The following C8orf74 variants were observed in gnomAD, a reference collection of about 807,000 sequenced individuals.
C8orf74 encodes the protein chromosome 8 open reading frame 74.
Under a neutral mutation model 22.2 loss-of-function variants are expected in C8orf74, and 29 were observed. The ratio of observed to expected loss-of-function variants is 1.31; its 90% confidence interval spans 0.97 to 1.78. The LOEUF is 1.78. Ranked by LOEUF, C8orf74 falls within the 40% of genes most tolerant of loss-of-function variation. The probability of loss-of-function intolerance (pLI) is 0.00; values close to 1 mark genes in which losing one functional copy is unlikely to be tolerated. For missense variants in C8orf74, 515 were observed against 369.9 expected (o/e 1.39, Z -3.22); for synonymous variants, 255 against 163.1 (o/e 1.56, Z -4.30).
At position 10,700,334 on chromosome 8, in the gene C8orf74, C is replaced by A. The variant is rs747567366; in HGVS notation, c.748C>A (p.Leu250Met). ...QIQNTFAILDLKLQKKTLNLN... is the reference protein window; with the variant it reads ...QIQNTFAILDMKLQKKTLNLN... Reference sequence around the variant, plus strand: ...CCAGAACACATTCGCCATCTTGGACCTGAAGCTTCAGAAGAAGACTCTGAA... The same window carrying A: ...CCAGAACACATTCGCCATCTTGGACATGAAGCTTCAGAAGAAGACTCTGAA... Residue 250 changes from leucine (L) to methionine (M), a missense_variant, in exon 4 of 4, where the codon CTG (leucine) becomes ATG (methionine). Transcript: ENST00000304519. The A allele has an allele frequency of 5.0e-6, 8 of 1,613,858 alleles. No homozygotes were observed. The East Asian group carries it at 1.8e-4, about 36-fold the overall frequency.
chr8:10,676,617 C>T lies in C8orf74; in HGVS notation c.241+1779C>T, dbSNP rs998558391. ...CTTCCAATTCTCTCCTGCCAGCCTG[C>T]GTTCCCACCCAGTGGTCCCAGCCTA... On this transcript the variant is annotated intron_variant, in intron 2 of 3. Transcript: ENST00000304519. Among the ~76,000 whole-genome samples, 3 of 152,284 alleles carry T rather than the reference C, an allele frequency of 2.0e-5. 1 individual carries two copies. Among genetic ancestry groups the T allele is most frequent in the Admixed American group, 1.3e-4 (2 of 15,306 alleles).
intron 2 of C8orf74, among the ~76,000 whole-genome samples, chr8:10,676,577 C>T (rs1403286527): frequency 6.6e-6 from 1 of 152,318 alleles, no homozygotes; most frequent in East Asian, 1.9e-4. Context: ...TTAATCTCTT[C>T]GGCTGCCAGG....
At chr8:10,676,559 G>C (rs1425224338) in intron 2 of C8orf74, among the ~76,000 whole-genome samples, 1 of 152,222 alleles carries the variant, frequency 6.6e-6, no homozygotes, top group Non-Finnish European at 1.5e-5. Flanking sequence ...ACCTGGGTCA[G>C]CCTTTCTTTA....
chr8:10,700,309 C>G lies in C8orf74; in HGVS notation c.723C>G (p.Ile241Met). ...ELLQELLQRQIQNTFAILDLK... is the reference protein window; with the variant it reads ...ELLQELLQRQMQNTFAILDLK... ...TGCAGGAGCTGCTGCAGCGCCAGAT[C>G]CAGAACACATTCGCCATCTTGGACC... The change falls in exon 4 of 4, where the codon ATC (isoleucine) becomes ATG (methionine). Residue 241 changes from isoleucine to methionine, a missense_variant. Ile to Met is a conservative substitution (Grantham distance 10, BLOSUM62 1). Transcript: ENST00000304519. 1.2e-6 allele frequency: 2 copies of G among 1,613,916 alleles called. No individual in the cohort carries two copies. Among genetic ancestry groups the G allele is most frequent in the Non-Finnish European group, 1.7e-6 (2 of 1,179,838 alleles).
rs778885280 is a variant in C8orf74, at chr8:10,689,536, T to G, written c.242-8063T>G. 5.9e-5 allele frequency: 9 copies of G among 152,224 alleles called. No homozygotes were observed. In the South Asian group the frequency reaches 1.7e-3, roughly 28 times the overall value. The allele number at this position is 152,224 out of a possible 1,614,324, so 9.4% of individuals were successfully genotyped here. On this transcript the variant is annotated intron_variant, in intron 2 of 3. Transcript: ENST00000304519. ...TCTCTCTGGCTGTGAAACATTCATT[T>G]TGATATACAGGTGACTCTTGAAGAA...
chr8:10,696,178 A>G (rs1163649907), intron 2 of C8orf74, among the ~76,000 whole-genome samples: 2 of 151,836 alleles, frequency 1.3e-5, no homozygotes, highest in Admixed American at 6.6e-5. Context: ...ATGATGGGAG[A>G]GCCCTGCCTC....
chr8:10,672,978 C>T (rs1202151592), intron 1 of C8orf74, among the ~76,000 whole-genome samples: 3 of 152,160 alleles, frequency 2.0e-5, no homozygotes, highest in African/African-American at 2.4e-5. Flanking sequence ...ACTGTGCCTG[C>T]CTCCTCTGGG....
chr8:10,680,903 G>A (rs1032730221), intron 2 of C8orf74, among the ~76,000 whole-genome samples: 1 of 152,174 alleles, frequency 6.6e-6, no homozygotes, highest in Non-Finnish European at 1.5e-5. Context: ...GTGGGTGCAG[G>A]CAGCCCAGGC....
At chr8:10,699,604 G>A (rs1285761073) in intron 3 of C8orf74, among the ~76,000 whole-genome samples, 1 of 152,200 alleles carries the variant, frequency 6.6e-6, no homozygotes, top group East Asian at 1.9e-4. Context: ...AACTCTGATG[G>A]AGTTGACCAA....
intron 2 of C8orf74, among the ~76,000 whole-genome samples, chr8:10,683,727 T>G (rs1038687037): frequency 1.3e-5 from 2 of 152,192 alleles, no homozygotes; most frequent in Non-Finnish European, 2.9e-5. Flanking sequence ...CAGAGGTCAC[T>G]GGATCCAACC....
In C8orf74 at chr8:10,674,705, G is replaced by C. The variant is rs182240949; in HGVS notation, c.108G>C (p.Gln36His). The C allele has an allele frequency of 1.1e-5, 18 of 1,609,702 alleles. No individual in the cohort carries two copies. Among genetic ancestry groups the C allele is most frequent in the Admixed American group, 5.0e-5 (3 of 59,504 alleles). The part of the protein sequence containing the change: ...RLLNWEEFDE[Q>H]RDSRRSILLD... ...TGAACTGGGAGGAGTTTGACGAACA[G>C]AGAGACTCCCGGAGGAGCATCCTGC... Residue 36 changes from glutamine to histidine, a missense_variant, in exon 2 of 4, where the codon CAG becomes CAC. By Grantham distance (24) the Gln-to-His change is conservative. Transcript: ENST00000304519.
intron 2 of C8orf74, among the ~76,000 whole-genome samples, 173 bp from the exon 3 acceptor site, chr8:10,697,426 G>C (rs959581950): frequency 6.6e-6 from 1 of 152,130 alleles, no homozygotes; most frequent in Non-Finnish European, 1.5e-5. Context: ...ACTCCAGCCT[G>C]GGTGAGAGTT....
rs898899244 is a variant in C8orf74 at position 10,688,217 on chromosome 8, A to AG, written c.242-9382_242-9381insG. ...AAGACTCCACCTCCAGAAAAAAAAA[A>AG]AAAAGAAAAGAAAAAAGAAAAAAGA... On this transcript the variant is annotated intron_variant, in intron 2 of 3. Transcript: ENST00000304519. 8.5e-5 allele frequency: 13 copies of AG among 152,176 alleles called. No individual in the cohort carries two copies. In the East Asian group the frequency reaches 2.1e-3, roughly 25 times the overall value. The allele number at this position is 152,176 out of a possible 1,614,324, so 9.4% of individuals were successfully genotyped here.
chr8:10,700,077 T>G (rs1799620294), intron 3 of C8orf74, among the ~76,000 whole-genome samples, 158 bp from the exon 4 acceptor site: 1 of 151,684 alleles, frequency 6.6e-6, no homozygotes. Context: ...TTGGCTGAAG[T>G]CAACCAGAAG....
chr8:10,698,590 C>T (rs1399610052), intron 3 of C8orf74, among the ~76,000 whole-genome samples: 1 of 152,128 alleles, frequency 6.6e-6, no homozygotes, highest in African/African-American at 2.4e-5. Context: ...TAGCTGCCAG[C>T]ATTTCCCATG....
chr8:10,674,568 T>G, intron 1 of C8orf74, 78 bp from the exon 2 acceptor site: 7 of 639,090 alleles, frequency 1.1e-5, no homozygotes, highest in South Asian at 2.4e-5. Context: ...ATAGCCCCCA[T>G]ATCACACCCC....
chr8:10,693,238 C>T (rs1236653584), intron 2 of C8orf74, among the ~76,000 whole-genome samples: 1 of 152,204 alleles, frequency 6.6e-6, no homozygotes, highest in African/African-American at 2.4e-5. Context: ...GCACAAGCTG[C>T]TCCCCCTCTT....
At chr8:10,694,115 C>T (rs552784215) in intron 2 of C8orf74, among the ~76,000 whole-genome samples, 1 of 152,238 alleles carries the variant, frequency 6.6e-6, no homozygotes, top group East Asian at 1.9e-4. Flanking sequence ...GTCCTGAAGC[C>T]CATGCTGTTG....
At chr8:10,686,613 T>C (rs1480478125) in intron 2 of C8orf74, 1 of 154,670 alleles carries the variant, frequency 6.5e-6, no homozygotes, top group Admixed American at 6.3e-5. Context: ...TGTCTAGTCT[T>C]AGAAGCTAAG....
Sources: gnomAD v4.1 joint callset for allele counts (sites outside exome capture counted in the v4.1 genomes callset) on GRCh38, gnomAD v4.1.1 for gene constraint, MANE v1.5 for transcripts, NCBI Gene and HGNC (gene_info 2026-07-23, HGNC 2026-07-21) for gene names.